COL5A2: variants seen among roughly 807,000 people sequenced by gnomAD.
COL5A2 encodes the protein collagen type V alpha 2 chain.
COL5A2 carries 23 observed loss-of-function variants against 208.2 expected under a neutral mutation model. That is an observed-to-expected ratio of 0.11 (90% CI 0.08 to 0.16). The LOEUF (loss-of-function observed/expected upper bound fraction) is 0.16, where lower values mean the gene tolerates loss of function less well. COL5A2 is among the 10% of genes least tolerant of loss of function. The pLI is 1.00. For missense variants in COL5A2, 1,590 were observed against 1,956.4 expected (o/e 0.81, Z 3.53); for synonymous variants, 625 against 628.5 (o/e 0.99, Z 0.08).
the COL5A2 span, among the ~76,000 whole-genome samples, chr2:189,327,174 C>T: frequency 6.6e-6 from 1 of 151,766 alleles, no homozygotes; most frequent in Non-Finnish European, 1.5e-5. Context: ...TCACTTTTTT[C>T]AGATTTTCTT....
At chr2:189,251,657 TA>T in the COL5A2 span, among the ~76,000 whole-genome samples, 2,007 of 144,630 alleles carry the variant, frequency 0.014, 26 homozygotes, top group Non-Finnish European at 0.017. Context: ...CAAAAGACAG[TA>T]AAAAAAAAAA....
the COL5A2 span, among the ~76,000 whole-genome samples, chr2:189,283,332 G>A: frequency 2.0e-4 from 30 of 151,864 alleles, no homozygotes; most frequent in Non-Finnish European, 4.3e-4. Flanking sequence ...AAAATTTAAA[G>A]AAAAGAGAAA....
rs778360315 is a variant in COL5A2, at chr2:189,052,196, G to T, written c.2745C>A (p.Gly915=). The stretch of plus-strand genomic sequence containing the variant: ...CAGCAGGGCCTGGAGGTCCAACTCT[G>T]CCCGCAGAACCAGGAAATCCTGTAG... ...PGATGFPGSA[G]RVGPPGPAGA... Residue 915 remains glycine (G), a synonymous_variant, in exon 41 of 54, where the codon GGC becomes GGA. Coordinates refer to ENST00000374866, the MANE Select transcript of COL5A2 (RefSeq NM_000393.5). 17 of 1,613,682 alleles carry T rather than the reference G, an allele frequency of 1.1e-5. No individual in the cohort carries two copies. Among genetic ancestry groups the T allele is most frequent in the Non-Finnish European group, 1.4e-5 (17 of 1,179,838 alleles).
intron 1 of COL5A2, among the ~76,000 whole-genome samples, chr2:189,114,226 TCA>T (rs982678924): frequency 2.6e-5 from 4 of 152,120 alleles, no homozygotes; most frequent in African/African-American, 9.7e-5. Context: ...TCCATACACA[TCA>T]CAGAGGGCTC....
chr2:189,126,769 G>A (rs542291986), intron 1 of COL5A2, among the ~76,000 whole-genome samples: 12 of 152,208 alleles, frequency 7.9e-5, no homozygotes, highest in African/African-American at 2.9e-4. Flanking sequence ...TTGGCAGGGT[G>A]AGGAAACAGA....
the COL5A2 span, among the ~76,000 whole-genome samples, chr2:189,404,796 T>C: frequency 2.6e-5 from 4 of 152,338 alleles, no homozygotes; most frequent in South Asian, 4.1e-4. Flanking sequence ...GGCTAGCTAG[T>C]ATCCTACTTA....
chr2:189,175,019 C>T (rs1236873863), intron 1 of COL5A2, among the ~76,000 whole-genome samples: 1 of 152,182 alleles, frequency 6.6e-6, no homozygotes. Context: ...GATCTAGTCA[C>T]ACAACTATAT....
the COL5A2 span, among the ~76,000 whole-genome samples, chr2:189,396,991 A>T: frequency 6.0e-5 from 1 of 16,532 alleles, no homozygotes; most frequent in Non-Finnish European, 3.2e-4. Flanking sequence ...ACTCCGTCTC[A>T]AAAAAAAAAA....
intron 1 of COL5A2, among the ~76,000 whole-genome samples, chr2:189,141,406 G>A (rs542086009): frequency 3.4e-4 from 51 of 152,082 alleles, no homozygotes; most frequent in Admixed American, 5.9e-4. Flanking sequence ...GTTCACAGGG[G>A]CGAAATGATT....
chr2:189,147,720 T>C (rs977964127), intron 1 of COL5A2, among the ~76,000 whole-genome samples: 1 of 152,142 alleles, frequency 6.6e-6, no homozygotes, highest in Non-Finnish European at 1.5e-5. Flanking sequence ...ATAACGTCTC[T>C]AGAAAAAACA....
chr2:189,040,105 T>C (rs1685527817), intron 50 of COL5A2, among the ~76,000 whole-genome samples: 2 of 152,238 alleles, frequency 1.3e-5, no homozygotes, highest in Non-Finnish European at 2.9e-5. Flanking sequence ...TTATGTGCAT[T>C]AATTCCTGTA....
the COL5A2 span, among the ~76,000 whole-genome samples, chr2:189,432,149 A>G: frequency 6.6e-6 from 1 of 152,208 alleles, no homozygotes; most frequent in Non-Finnish European, 1.5e-5. Context: ...GCAAATGCTG[A>G]GAGATTCTGT....
the COL5A2 span, among the ~76,000 whole-genome samples, chr2:189,321,193 T>G: frequency 6.6e-6 from 1 of 152,156 alleles, no homozygotes; most frequent in African/African-American, 2.4e-5. Context: ...GAACAACCAG[T>G]ACCAGCCACT....
upstream of COL5A2, among the ~76,000 whole-genome samples, chr2:189,225,703 A>C (rs780648119): frequency 3.3e-5 from 5 of 152,190 alleles, no homozygotes; most frequent in African/African-American, 4.8e-5. Flanking sequence ...CCAAAGCAAA[A>C]AAAAATAAGC....
At chr2:189,413,511 G>C in the COL5A2 span, among the ~76,000 whole-genome samples, 3 of 152,118 alleles carry the variant, frequency 2.0e-5, no homozygotes, top group South Asian at 2.1e-4. Flanking sequence ...GAGGTCTTCT[G>C]TTCTGAGAAG....
chr2:189,115,703 G>A (rs1687375745), intron 1 of COL5A2, among the ~76,000 whole-genome samples: 1 of 152,204 alleles, frequency 6.6e-6, no homozygotes. Context: ...TCGACAGCCA[G>A]AACTGTGTTT....
At chr2:189,400,312 A>T in the COL5A2 span, among the ~76,000 whole-genome samples, 1 of 152,134 alleles carries the variant, frequency 6.6e-6, no homozygotes, top group African/African-American at 2.4e-5. Context: ...TCAACTACAC[A>T]TATGTCAGAC....
At chr2:189,423,554 A>G in the COL5A2 span, among the ~76,000 whole-genome samples, 1 of 152,128 alleles carries the variant, frequency 6.6e-6, no homozygotes, top group Non-Finnish European at 1.5e-5. Flanking sequence ...ACAGTGGATA[A>G]CACATAAATA....
the COL5A2 span, among the ~76,000 whole-genome samples, chr2:189,249,937 A>AT: frequency 6.6e-6 from 1 of 152,204 alleles, no homozygotes; most frequent in African/African-American, 2.4e-5. Flanking sequence ...ACCTCAGGTG[A>AT]TCCCCCGGCC....
Sources: gnomAD v4.1 joint callset for allele counts (sites outside exome capture counted in the v4.1 genomes callset) on GRCh38, gnomAD v4.1.1 for gene constraint, MANE v1.5 for transcripts, NCBI Gene and HGNC (gene_info 2026-07-23, HGNC 2026-07-21) for gene names.